PCDHGA7: variants seen among roughly 807,000 people sequenced by gnomAD.
PCDHGA7 encodes the protein protocadherin gamma-A7.
In PCDHGA7, 44 loss-of-function variants were observed where a neutral mutation model predicts 58.3. The ratio of observed to expected loss-of-function variants is 0.75; its 90% CI spans 0.59 to 0.97. PCDHGA7 has a LOEUF of 0.97. Ranked by LOEUF, PCDHGA7 falls within the 50% of genes least tolerant of loss-of-function variation. PCDHGA7 has a pLI of 0.00. For synonymous variants in PCDHGA7, 516 were observed against 504.2 expected (o/e 1.02, Z -0.31); for missense variants, 1,266 against 1,188.7 (o/e 1.06, Z -0.96).
chr5:141,497,062 A>C (rs779414748), intron 2 of PCDHGA7, among the ~76,000 whole-genome samples: 6 of 152,024 alleles, frequency 3.9e-5, no homozygotes, highest in Non-Finnish European at 7.4e-5. Flanking sequence ...GGTGGCAGGC[A>C]CCTGTAATCC....
intron 1 of PCDHGA7, chr5:141,415,153 G>T: frequency 2.5e-6 from 4 of 1,613,780 alleles, no homozygotes; most frequent in Non-Finnish European, 3.4e-6. Context: ...CCCTCTCTCC[G>T]CCACTGTCAC....
At position 141,460,491 on chromosome 5, in the gene PCDHGA7, A is replaced by G. The variant is rs544539917; in HGVS notation, c.2425-34316A>G. Among the ~76,000 whole-genome samples, 240 of 152,272 alleles carry G rather than the reference A, an allele frequency of 1.6e-3. 1 individual carries two copies. Among genetic ancestry groups the G allele is most frequent in the Non-Finnish European group, 2.6e-3 (177 of 68,014 alleles). On this transcript the variant is annotated intron_variant, in intron 1 of 3. Transcript: ENST00000518325. ...AAGGAATATCCAATTGTCTCTTTGG[A>G]AAAATATGCTGAGAAGGCTATCTTT...
intron 2 of PCDHGA7, among the ~76,000 whole-genome samples, chr5:141,499,352 CA>C (rs2099791418): frequency 6.6e-6 from 1 of 152,058 alleles, no homozygotes; most frequent in South Asian, 2.1e-4. Context: ...AGTCATTCAA[CA>C]AACAAATAGC....
rs2095403267 is a variant in PCDHGA7, at chr5:141,410,523, A to C, written c.2424+25200A>C. 2 of 1,613,800 alleles carry C rather than the reference A, an allele frequency of 1.2e-6. No individual in the cohort carries two copies. Among genetic ancestry groups the C allele is most frequent in the African/African-American group, 2.7e-5 (2 of 74,910 alleles). ...TTCCTAAAATGCAGTGTGCCCCTAC[A>C]TTCCAATGAAGACATGGTTTGCAGT... On this transcript the variant is annotated intron_variant, in intron 1 of 3. Coordinates refer to ENST00000518325, the MANE Select transcript of PCDHGA7 (RefSeq NM_018920.4).
chr5:141,429,879 A>T (rs2097250861), intron 1 of PCDHGA7, among the ~76,000 whole-genome samples: 1 of 152,210 alleles, frequency 6.6e-6, no homozygotes, highest in African/African-American at 2.4e-5. Context: ...TCTTTTACTA[A>T]GTTTCCTGAA....
At position 141,485,100 on chromosome 5, in the gene PCDHGA7, C is replaced by G. The variant is rs900224386; in HGVS notation, c.2425-9707C>G. 1.0e-5 allele frequency: 12 copies of G among 1,148,882 alleles called. No homozygotes were observed. Among genetic ancestry groups the G allele is most frequent in the Non-Finnish European group, 1.4e-5 (11 of 778,894 alleles). 71.2% of individuals were successfully genotyped at this position (1,148,882 alleles called of 1,614,324 possible). On this transcript the variant is annotated intron_variant, in intron 1 of 3. Coordinates refer to ENST00000518325, the MANE Select transcript of PCDHGA7 (RefSeq NM_018920.4). This position sits in a 1 kb window ranked among gnomAD's most constrained non-coding sequence, Gnocchi z 5.7. ...GGGAAAGGGAGATAGGTGTCTCCAG[C>G]TGCTGTGGCTGTTTGGGGCGGGTCG...
At chr5:141,434,553 G>T (rs1203568173) in intron 1 of PCDHGA7, among the ~76,000 whole-genome samples, 1 of 152,202 alleles carries the variant, frequency 6.6e-6, no homozygotes, top group Admixed American at 6.5e-5. Flanking sequence ...AGTGATCTGT[G>T]CCTTAAGGAC....
chr5:141,393,194 C>T (rs770162660), intron 1 of PCDHGA7: 4 of 1,613,360 alleles, frequency 2.5e-6, no homozygotes, highest in Non-Finnish European at 2.5e-6. Flanking sequence ...TTGATATTAA[C>T]GATAATAACC....
At chr5:141,462,786 T>G (rs1394476968) in intron 1 of PCDHGA7, among the ~76,000 whole-genome samples, 1 of 152,216 alleles carries the variant, frequency 6.6e-6, no homozygotes, top group Admixed American at 6.5e-5. Flanking sequence ...AATTTGTTGC[T>G]TATTTGCATG....
intron 1 of PCDHGA7, among the ~76,000 whole-genome samples, chr5:141,446,686 C>T (rs574630887): frequency 1.3e-5 from 2 of 152,294 alleles, no homozygotes; most frequent in African/African-American, 4.8e-5. Context: ...CCATATTGGC[C>T]AGGCTGGTCT....
rs766092387 is a variant in PCDHGA7 at position 141,491,171 on chromosome 5, T to C, written c.2425-3636T>C. 7.4e-6 allele frequency: 12 copies of C among 1,613,968 alleles called. No individual in the cohort carries two copies. The highest frequency in any genetic ancestry group is 1.3e-5 in the African/African-American group (1 of 74,904). On this transcript the variant is annotated intron_variant, in intron 1 of 3. Coordinates refer to ENST00000518325, the MANE Select transcript of PCDHGA7 (RefSeq NM_018920.4). The surrounding 1 kb of genome is among the most constrained non-coding windows in gnomAD (Gnocchi z 6.9). The stretch of plus-strand genomic sequence containing the variant: ...GAGGATGACTCTGACACCCAGCAGG[T>C]GGTGGTCCTGGTGAGGGACAATGGT...
At chr5:141,435,902 A>G (rs896786345) in intron 1 of PCDHGA7, among the ~76,000 whole-genome samples, 1 of 152,194 alleles carries the variant, frequency 6.6e-6, no homozygotes, top group Non-Finnish European at 1.5e-5. Flanking sequence ...AATGAAAGAC[A>G]TCCAAGGGCT....
rs2099401367 is a variant in PCDHGA7 at position 141,476,906 on chromosome 5, G to C, written c.2425-17901G>C. ...GGATGCACCCTCCGGCACGCGCGTG[G>C]TACAAGTCCTTGCAACGGATCTGGA... is the stretch of plus-strand genomic sequence containing the variant. On this transcript the variant is annotated intron_variant, in intron 1 of 3. Coordinates refer to ENST00000518325, the MANE Select transcript of PCDHGA7 (RefSeq NM_018920.4). The surrounding 1 kb of genome is among the most constrained non-coding windows in gnomAD (Gnocchi z 7.6). 2 of 1,614,050 alleles carry C rather than the reference G, an allele frequency of 1.2e-6. No homozygotes were observed. The highest frequency in any genetic ancestry group is 1.7e-6 in the Non-Finnish European group (2 of 1,180,044).
At chr5:141,438,875 A>G (rs2098071820) in intron 1 of PCDHGA7, among the ~76,000 whole-genome samples, 1 of 151,738 alleles carries the variant, frequency 6.6e-6, no homozygotes. Flanking sequence ...CAAGTTGGCC[A>G]GGCTGCTCTT....
chr5:141,421,527 GTCC>G (rs2096581302), intron 1 of PCDHGA7: 1 of 1,614,050 alleles, frequency 6.2e-7, no homozygotes, highest in African/African-American at 1.3e-5. Flanking sequence ...GTGAGACGGT[GTCC>G]TCCTGTTTTT....
chr5:141,438,165 G>GA (rs1252266607), intron 1 of PCDHGA7, among the ~76,000 whole-genome samples: 2 of 152,076 alleles, frequency 1.3e-5, no homozygotes, highest in East Asian at 3.8e-4. Flanking sequence ...AAGCTAATTG[G>GA]AAAAAATATT....
Position 141,487,295 on chromosome 5 carries a change from T to C in PCDHGA7, c.2425-7512T>C, listed in dbSNP as rs2099642474. The C allele has an allele frequency of 5.6e-6, 9 of 1,614,164 alleles. No individual in the cohort carries two copies. In the East Asian group the frequency reaches 1.3e-4, roughly 24 times the overall value. ...AATTTGCTTTGTCTCCTTTGGCTCA[T>C]TCGTGGCACTACTCTCTAAGTGTCT... On this transcript the variant is annotated intron_variant, in intron 1 of 3. Transcript: ENST00000518325. This position sits in a 1 kb window ranked among gnomAD's most constrained non-coding sequence, Gnocchi z 5.0.
intron 1 of PCDHGA7, among the ~76,000 whole-genome samples, chr5:141,446,621 C>G (rs1284919173): frequency 6.6e-6 from 1 of 152,094 alleles, no homozygotes; most frequent in African/African-American, 2.4e-5. Context: ...GGACTACAGG[C>G]GTGCACCACC....
chr5:141,397,893 G>T (rs1442552386), intron 1 of PCDHGA7: 4 of 650,466 alleles, frequency 6.1e-6, no homozygotes, highest in African/African-American at 5.5e-5. Flanking sequence ...GTTGGCCAAA[G>T]TGCAGAGCTT....
Sources: allele counts gnomAD v4.1 joint callset (sites outside exome capture counted in the v4.1 genomes callset), GRCh38; gene constraint gnomAD v4.1.1; non-coding constraint Gnocchi (gnomAD v3.1); transcripts MANE v1.5; gene names NCBI Gene and HGNC (gene_info 2026-07-23, HGNC 2026-07-21).